SLC19A1: variants seen among roughly 807,000 people sequenced by gnomAD.
SLC19A1 encodes the protein reduced folate transporter.
SLC19A1 carries 37 observed loss-of-function variants against 35.3 expected under a neutral mutation model. The observed-to-expected ratio is 1.05, with a 90% CI of 0.81 to 1.38. The LOEUF (loss-of-function observed/expected upper bound fraction) is 1.38. Among genes scored for constraint, SLC19A1 ranks in the 40% most tolerant of loss-of-function variants. The probability of loss-of-function intolerance (pLI) is 0.00; values close to 1 mark genes in which losing one functional copy is unlikely to be tolerated. For missense variants in SLC19A1, 831 were observed against 826.9 expected (o/e 1.00, Z -0.06); for synonymous variants, 460 against 398.5 (o/e 1.15, Z -1.84).
At chr21:45,535,524 G>A (rs992236038) in intron 2 of SLC19A1, among the ~76,000 whole-genome samples, 4 of 152,174 alleles carry the variant, frequency 2.6e-5, no homozygotes, top group Non-Finnish European at 4.4e-5. Flanking sequence ...AGGAAACCAC[G>A]CTCCTCACAG....
chr21:45,555,121 C>T (rs1463920950), intron 1 of SLC19A1, among the ~76,000 whole-genome samples: 10 of 138,766 alleles, frequency 7.2e-5, no homozygotes, highest in African/African-American at 2.7e-4. Flanking sequence ...GGGTCCCAGC[C>T]CAGCAGCCTC....
chr21:45,525,708 G>A, intron 5 of SLC19A1, 109 bp downstream of exon 5: 1 of 1,308,256 alleles, frequency 7.6e-7, no homozygotes, highest in African/African-American at 1.5e-5. Context: ...CCCGCACCCT[G>A]TGCCCCCAGC....
chr21:45,511,507 C>T (rs1168972933), downstream of SLC19A1, among the ~76,000 whole-genome samples: 1 of 152,148 alleles, frequency 6.6e-6, no homozygotes, highest in Non-Finnish European at 1.5e-5. Context: ...CCGGATGTCA[C>T]CAAGCCTGTG....
intron 1 of SLC19A1, among the ~76,000 whole-genome samples, chr21:45,541,077 G>C (rs1319506708): frequency 1.3e-5 from 2 of 152,172 alleles, no homozygotes; most frequent in African/African-American, 4.8e-5. Flanking sequence ...AGATGACCAA[G>C]TTCAGGGTTC....
At chr21:45,556,110 C>T (rs1602959232) in intron 1 of SLC19A1, among the ~76,000 whole-genome samples, 1 of 152,184 alleles carries the variant, frequency 6.6e-6, no homozygotes, top group Non-Finnish European at 1.5e-5. Context: ...GAGCATCGGG[C>T]GGCCACCAGC....
rs770696109 is a variant in SLC19A1, at chr21:45,507,486, C to G, written c.498-8874G>C. 3 of 453,516 alleles carry G rather than the reference C, an allele frequency of 6.6e-6. No homozygotes were observed. The African/African-American group carries it at 1.7e-4, about 25-fold the overall frequency. 28.1% of individuals were successfully genotyped at this position (453,516 alleles called of 1,614,324 possible). A position where few individuals can be genotyped will look rare whatever the true frequency, so the allele number is the denominator to read the frequency against. ...GGGCCAGGTGCTGGGGCGGGAGAGT[C>G]GGGTGCTGGGCAGGGAGGGCACCCT... On this transcript the variant is annotated intron_variant, in intron 3 of 4. Transcript: ENST00000417954.
Position 45,517,627 on chromosome 21 carries a change from C to T in SLC19A1, c.1294-1487G>A, listed in dbSNP as rs1048816720. Among the ~76,000 whole-genome samples the T allele has an allele frequency of 6.9e-6, 1 of 143,974 alleles. No individual in the cohort carries two copies. The highest frequency in any genetic ancestry group is 6.8e-5 in the Admixed American group (1 of 14,604). The allele number at this position is 143,974 out of a possible 152,430, so 94.5% of individuals were successfully genotyped here. On this transcript the variant is annotated intron_variant, in intron 5 of 5. Transcript: ENST00000311124. The surrounding 1 kb of genome is among the most constrained non-coding windows in gnomAD (Gnocchi z 4.4). The stretch of plus-strand genomic sequence containing the variant: ...CATATGGGGAGCCTGGCCTCTTATC[C>T]TCACCCAGTAGTAAGAGCGTGCCTG...
At chr21:45,527,452 GC>G (rs1178189054) in intron 4 of SLC19A1, among the ~76,000 whole-genome samples, 6 of 141,334 alleles carry the variant, frequency 4.2e-5, no homozygotes, top group Admixed American at 2.1e-4. Flanking sequence ...GTGAGTGGCA[GC>G]CAGGCAGGGC....
chr21:45,522,039 C>T (rs1295177567), intron 5 of SLC19A1, among the ~76,000 whole-genome samples: 1 of 151,888 alleles, frequency 6.6e-6, no homozygotes, highest in Non-Finnish European at 1.5e-5. Context: ...GATGAAACAA[C>T]CAGCTACAGA....
chr21:45,508,235 AAGTGGGTG>A (rs1028619842), downstream of SLC19A1, among the ~76,000 whole-genome samples: 14 of 122,130 alleles, frequency 1.1e-4, no homozygotes, highest in Admixed American at 2.4e-4. Context: ...GATAGTGGGT[AAGTGGGTG>A]AGTGGATGGT....
At chr21:45,510,880 C>T (rs1417261350), downstream of SLC19A1, among the ~76,000 whole-genome samples, 1 of 152,072 alleles carries the variant, frequency 6.6e-6, no homozygotes, top group Non-Finnish European at 1.5e-5. Flanking sequence ...CCTGGCTCCC[C>T]CACGCTTGTT....
At chr21:45,510,521 C>A (rs898606568), downstream of SLC19A1, among the ~76,000 whole-genome samples, 23 of 152,236 alleles carry the variant, frequency 1.5e-4, no homozygotes, top group Admixed American at 1.4e-3. Context: ...ACCCCCCGCT[C>A]CCCCGGCAGT....
At position 45,537,873 on chromosome 21, in the gene SLC19A1, C is replaced by G; in HGVS notation, c.87G>C (p.Val29=). 6.2e-7 allele frequency: 1 copy of G among 1,605,844 alleles called. No homozygotes were observed. Among genetic ancestry groups the G allele is most frequent in the Non-Finnish European group, 8.5e-7 (1 of 1,177,966 alleles). The part of the protein sequence containing the change: ...DPELRSWRHL[V]CYLCFYGFMA... ...TGAAGCCGTAGAAGCAAAGGTAGCA[C>G]ACGAGGTGCCGCCAGGACCGGAGCT... Residue 29 remains valine, a synonymous_variant, in exon 2 of 6, where the codon GTG becomes GTC. Coordinates refer to ENST00000311124, the MANE Select transcript of SLC19A1 (RefSeq NM_194255.4).
At chr21:45,522,202 A>C (rs1030655545) in intron 5 of SLC19A1, among the ~76,000 whole-genome samples, 1 of 152,260 alleles carries the variant, frequency 6.6e-6, no homozygotes, top group African/African-American at 2.4e-5. Context: ...AAATAAGGAC[A>C]TAAAAAGATG....
intron 5 of SLC19A1, among the ~76,000 whole-genome samples, chr21:45,519,570 CAAAAAAAA>C (rs57639933): frequency 3.5e-5 from 2 of 57,234 alleles, no homozygotes; most frequent in Admixed American, 2.0e-4. Context: ...AACTTCTGAG[CAAAAAAAA>C]AAAAAAAAAA....
chr21:45,509,359 A>G (rs2037435777), downstream of SLC19A1: 7 of 1,545,974 alleles, frequency 4.5e-6, no homozygotes, highest in Non-Finnish European at 6.1e-6. Flanking sequence ...CCTGCAGGAC[A>G]ATGAAGTGGC....
downstream of SLC19A1, among the ~76,000 whole-genome samples, chr21:45,508,575 C>G (rs1173544795): frequency 6.6e-6 from 1 of 151,654 alleles, no homozygotes; most frequent in African/African-American, 2.4e-5. Flanking sequence ...AGTGTTGCGT[C>G]CAGCTGCTGT....
intron 3 of SLC19A1, chr21:45,506,767 G>GAGCCCTCCCACCTTCCTTCTA (rs2146095307): frequency 3.3e-5 from 1 of 30,660 alleles, no homozygotes; most frequent in African/African-American, 1.5e-4. Context: ...CCTTCCCTCT[G>GAGCCCTCCCACCTTCCTTCTA]GAACCCTCCC....
chr21:45,536,007 C>T, intron 2 of SLC19A1: 1 of 230,824 alleles, frequency 4.3e-6, no homozygotes, highest in Non-Finnish European at 7.4e-6. Flanking sequence ...GCTGCCCCTG[C>T]ACCCCGGCGC....
Sources: allele counts gnomAD v4.1 joint callset (sites outside exome capture counted in the v4.1 genomes callset), GRCh38; gene constraint gnomAD v4.1.1; non-coding constraint Gnocchi (gnomAD v3.1); transcripts MANE v1.5; gene names NCBI Gene and HGNC (gene_info 2026-07-23, HGNC 2026-07-21).